The following OTUD5 variants were observed in gnomAD, a reference collection of about 807,000 sequenced individuals.
OTUD5 encodes OTU domain-containing protein 5.
OTUD5 carries 2 observed loss-of-function variants against 36.3 expected under a neutral mutation model. The observed-to-expected ratio is 0.06, with a 90% CI of 0.02 to 0.17. The LOEUF is 0.17. Among genes scored for constraint, OTUD5 ranks in the 10% least tolerant of loss-of-function variants. OTUD5 has a pLI of 1.00. For synonymous variants in OTUD5, 234 were observed against 214.9 expected, an observed-to-expected ratio of 1.09 and a Z score of -0.78; for missense variants, 233 against 512.3, an observed-to-expected ratio of 0.45 and a Z score of 5.26.
intron 2 of OTUD5, among the ~76,000 whole-genome samples, chrX:48,938,708 AG>A (rs1179429219): frequency 9.1e-6 from 1 of 110,093 alleles, no homozygotes; most frequent in African/African-American, 3.3e-5. Flanking sequence ...AAAAAAAAAA[AG>A]AATTCGTTTT....
intron 1 of OTUD5, among the ~76,000 whole-genome samples, chrX:48,946,423 GA>G (rs2064031057): frequency 9.0e-6 from 1 of 111,481 alleles, no homozygotes; most frequent in East Asian, 2.8e-4. Context: ...GAGACCCTCA[GA>G]AAGTCCCAGG....
intron 1 of OTUD5, among the ~76,000 whole-genome samples, chrX:48,948,660 G>A (rs1557052979): frequency 1.8e-5 from 2 of 110,754 alleles, no homozygotes; most frequent in African/African-American, 3.3e-5. Context: ...GCAGCCTGAG[G>A]AGTTTGGGCT....
chrX:48,942,280 C>CAG (rs1557051262), intron 2 of OTUD5, among the ~76,000 whole-genome samples: 5 of 91,128 alleles, frequency 5.5e-5, no homozygotes, highest in African/African-American at 2.2e-4. Context: ...CACACACACA[C>CAG]AGAGAACAGC....
intron 5 of OTUD5, among the ~76,000 whole-genome samples, chrX:48,926,767 T>C (rs2063673065): frequency 9.1e-6 from 1 of 109,639 alleles, no homozygotes; most frequent in Non-Finnish European, 1.9e-5. Flanking sequence ...GTGCACCGGG[T>C]GGAGGGAGTA....
At chrX:48,934,083 G>A (rs1423046983) in intron 5 of OTUD5, among the ~76,000 whole-genome samples, 1 of 111,666 alleles carries the variant, frequency 9.0e-6, no homozygotes, top group Admixed American at 9.5e-5. Flanking sequence ...CCAGTGAGTG[G>A]TGGGGCCAGG....
chrX:48,949,846 C>T lies in OTUD5; in HGVS notation c.595-5563G>A, dbSNP rs781974187. Among the ~76,000 whole-genome samples the T allele has an allele frequency of 1.3e-4, 14 of 110,209 alleles. 1 individual carries two copies. Among genetic ancestry groups the T allele is most frequent in the Middle Eastern group, 4.8e-3 (1 of 209 alleles). On this transcript the variant is annotated intron_variant, in intron 1 of 8. Coordinates refer to ENST00000376488, the MANE Select transcript of OTUD5 (RefSeq NM_001136157.2). ...CCAGCCTGGGTGACAGAGGCCAGCA[C>T]TGTCTGAAAAGAAAAGAAAAGCCCG...
intron 2 of OTUD5, among the ~76,000 whole-genome samples, chrX:48,937,208 C>T (rs978081115): frequency 3.6e-5 from 4 of 111,959 alleles, no homozygotes; most frequent in Non-Finnish European, 7.5e-5. Flanking sequence ...AGTCACATGT[C>T]CTGCGCACAG....
intron 5 of OTUD5, among the ~76,000 whole-genome samples, chrX:48,933,830 C>T (rs1010466228): frequency 7.2e-5 from 8 of 111,485 alleles, no homozygotes; most frequent in African/African-American, 2.0e-4. Flanking sequence ...TATGTGTTTC[C>T]GAAAATGAAG....
In OTUD5 at chrX:48,923,201, G is replaced by C; in HGVS notation, c.1674C>G (p.His558Gln). ...AACTCTTGTCTGGGGGCGGGTCTCT[G>C]TGCACTTTGTTTTTCTTCATACTGT... is the stretch of plus-strand genomic sequence containing the variant. Reference protein sequence around the residue: ...YLDSMKKNKVHRDPPPDKS With the variant: ...YLDSMKKNKVQRDPPPDKS The change falls in exon 9 of 9, where the codon CAC (histidine) becomes CAG (glutamine). Residue 558 changes from histidine (H) to glutamine (Q), a missense_variant. Transcript: ENST00000376488. The C allele has an allele frequency of 8.3e-7, 1 of 1,208,521 alleles. No homozygotes were observed. The highest frequency in any genetic ancestry group is 1.1e-6 in the Non-Finnish European group (1 of 892,964).
At position 48,922,905 on chromosome X, in the gene OTUD5, A is replaced by G; in HGVS notation, c.*269T>C. The G allele has an allele frequency of 1.0e-6, 1 of 970,215 alleles. No individual in the cohort carries two copies. The highest frequency in any genetic ancestry group is 1.3e-6 in the Non-Finnish European group (1 of 770,979). The allele number at this position is 970,215 out of a possible 1,213,427, so 80.0% of individuals were successfully genotyped here. ...TGTCTATCTTCGGCACCCTTGCCCG[A>G]GTCCCCTGTGGAATGCAGGGATGGT... On this transcript the variant is annotated 3_prime_UTR_variant, in exon 9 of 9. Coordinates refer to ENST00000376488, the MANE Select transcript of OTUD5 (RefSeq NM_001136157.2).
intron 5 of OTUD5, among the ~76,000 whole-genome samples, chrX:48,931,632 A>T (rs1557048839): frequency 9.2e-6 from 1 of 108,986 alleles, no homozygotes; most frequent in African/African-American, 3.4e-5. Context: ...TAGAAAAATT[A>T]GCCAGGTGTG....
chrX:48,957,371 G>C lies in OTUD5; in HGVS notation c.200C>G (p.Pro67Arg). The C allele has an allele frequency of 8.9e-7, 1 of 1,121,913 alleles. No individual in the cohort carries two copies. The highest frequency in any genetic ancestry group is 1.2e-6 in the Non-Finnish European group (1 of 859,157). 92.5% of individuals were successfully genotyped at this position (1,121,913 alleles called of 1,213,427 possible). ...CGGCGGTCCTGGTAGCGGGCCTTGA[G>C]GCGGTGGCGAAGCTCGCGGACGGGC... ...VGARPRASPP[P>R]QGPLPGPPGA... The change falls in exon 1 of 9, where the codon CCT becomes CGT. Residue 67 changes from proline (P) to arginine (R), a missense_variant. Pro to Arg is a moderately radical substitution (Grantham distance 103, BLOSUM62 -2). This residue lies in a region of OTUD5 where 155 missense variants were observed against 217.2 expected (regional missense o/e 0.71). Coordinates refer to ENST00000376488, the MANE Select transcript of OTUD5 (RefSeq NM_001136157.2).
At position 48,957,151 on chromosome X, in the gene OTUD5, G is replaced by A. The variant is rs1197591579; in HGVS notation, c.420C>T (p.Gly140=). The change falls in exon 1 of 9, where the codon GGC becomes GGT. Residue 140 remains glycine, a synonymous_variant. Transcript: ENST00000376488. ...VVGVGGAVGV[G]GCCSGPGHSK... ...TGTGCCCAGGCCCGGAGCAGCAGCC[G>A]CCCACGCCTACGGCACCACCCACAC... 1.7e-6 allele frequency: 2 copies of A among 1,158,901 alleles called. No homozygotes were observed. Among genetic ancestry groups the A allele is most frequent in the Non-Finnish European group, 2.3e-6 (2 of 874,784 alleles).
intron 8 of OTUD5, among the ~76,000 whole-genome samples, 161 bp from the exon 9 acceptor site, chrX:48,923,456 A>G (rs782344693): frequency 4.8e-4 from 53 of 110,018 alleles, no homozygotes; most frequent in Middle Eastern, 9.3e-3. Context: ...CCCCACTTAG[A>G]CCCCAGACCC....
At chrX:48,928,840 A>AAC (rs2063705463) in intron 5 of OTUD5, among the ~76,000 whole-genome samples, 1 of 107,846 alleles carries the variant, frequency 9.3e-6, no homozygotes, top group African/African-American at 3.4e-5. Flanking sequence ...AAAAAAAAAA[A>AAC]AAAACAGTAT....
chrX:48,934,655 T>C (rs199995967), intron 4 of OTUD5, 43 bp from the exon 5 acceptor site: 59 of 1,206,145 alleles, frequency 4.9e-5, no homozygotes, highest in African/African-American at 1.9e-4. Context: ...GCAGGCCAGG[T>C]TGGGCAGGCT....
chrX:48,928,877 A>C (rs1272835488), intron 5 of OTUD5, among the ~76,000 whole-genome samples: 2 of 108,355 alleles, frequency 1.8e-5, no homozygotes, highest in African/African-American at 6.7e-5. Flanking sequence ...GTATGATTAC[A>C]ATTATATGAC....
chrX:48,952,779 G>A (rs1432370551), intron 1 of OTUD5, among the ~76,000 whole-genome samples: 1 of 112,496 alleles, frequency 8.9e-6, no homozygotes, highest in Non-Finnish European at 1.9e-5. Context: ...CACGTTGCCT[G>A]GGCAGAGACC....
rs1557055998 is a variant in OTUD5, at chrX:48,957,538, A to C, written c.33T>G (p.Pro11=). The change falls in exon 1 of 9, where the codon CCT becomes CCG. Residue 11 remains proline (P), a synonymous_variant. Transcript: ENST00000376488. MTILPKKKPP[P]PDADPANEPP... Reference sequence around the variant, plus strand: ...GCTCGTTGGCGGGGTCGGCGTCGGGAGGCGGCGGCTTCTTTTTGGGGAGTA... The same window carrying C: ...GCTCGTTGGCGGGGTCGGCGTCGGGCGGCGGCGGCTTCTTTTTGGGGAGTA... The C allele has an allele frequency of 1.2e-6, 1 of 815,853 alleles. No individual in the cohort carries two copies. The highest frequency in any genetic ancestry group is 7.8e-5 in the Admixed American group (1 of 12,845). The allele number at this position is 815,853 out of a possible 1,213,427, so 67.2% of individuals were successfully genotyped here.
Sources: gnomAD v4.1 joint callset for allele counts (sites outside exome capture counted in the v4.1 genomes callset) on GRCh38, gnomAD v4.1.1 for gene constraint, gnomAD v4.1.1 regional missense constraint, MANE v1.5 for transcripts, NCBI Gene and HGNC (gene_info 2026-07-23, HGNC 2026-07-21) for gene names.